ZNF573: variants seen among roughly 807,000 people sequenced by gnomAD.
ZNF573 encodes the protein zinc finger protein 573.
Under a neutral mutation model 57.4 loss-of-function variants are expected in ZNF573, and 41 were observed. That is an observed-to-expected ratio of 0.71 (90% CI 0.56 to 0.93). The LOEUF (loss-of-function observed/expected upper bound fraction) is 0.93. ZNF573 is among the 40% of genes least tolerant of loss of function. ZNF573 has a pLI of 0.00. For missense variants in ZNF573, 730 were observed against 794.8 expected, an observed-to-expected ratio of 0.92 and a Z score of 0.98; for synonymous variants, 249 against 261.0, an observed-to-expected ratio of 0.95 and a Z score of 0.44.
chr19:37,766,605 T>G (rs1183600561), intron 4 of ZNF573, among the ~76,000 whole-genome samples: 2 of 152,148 alleles, frequency 1.3e-5, no homozygotes, highest in Admixed American at 1.3e-4. Flanking sequence ...CCTAATCAAG[T>G]CCCCGCATGA....
intron 3 of ZNF573, among the ~76,000 whole-genome samples, chr19:37,771,135 TTATA>T (rs1217026319): frequency 6.6e-6 from 1 of 151,572 alleles, no homozygotes; most frequent in African/African-American, 2.4e-5. Context: ...GGGGTTCTTC[TTATA>T]CTCAGAGTAA....
At chr19:37,745,362 C>T (rs934718344) in intron 4 of ZNF573, among the ~76,000 whole-genome samples, 12 of 151,464 alleles carry the variant, frequency 7.9e-5, no homozygotes, top group Admixed American at 5.3e-4. Flanking sequence ...GGATTACAGA[C>T]GTGAGCCACT....
At chr19:37,745,496 A>G (rs376247555) in intron 4 of ZNF573, among the ~76,000 whole-genome samples, 4 of 152,018 alleles carry the variant, frequency 2.6e-5, no homozygotes, top group South Asian at 4.2e-4. Flanking sequence ...CCCGGGTTCA[A>G]CGGATTCTAC....
intron 4 of ZNF573, among the ~76,000 whole-genome samples, chr19:37,750,981 A>C (rs2045428900): frequency 6.6e-6 from 1 of 151,878 alleles, no homozygotes; most frequent in Non-Finnish European, 1.5e-5. Context: ...TTGTGACTTC[A>C]AAACTTTTTA....
intron 2 of ZNF573, among the ~76,000 whole-genome samples, chr19:37,772,782 A>C (rs548055676): frequency 6.6e-6 from 1 of 152,040 alleles, no homozygotes; most frequent in East Asian, 1.9e-4. Flanking sequence ...TACAGGGGCA[A>C]GTCACCATGC....
At position 37,738,878 on chromosome 19, in the gene ZNF573, A is replaced by G; in HGVS notation, c.1612T>C (p.Tyr538His). Residue 538 changes from tyrosine to histidine, a missense_variant, in exon 5 of 5, where the codon TAT becomes CAT. Transcript: ENST00000536220. ...CTTTGATGTAGAGTAAGATTTCTAT[A>G]GAAAGTAAAGGTTTTTCTACATACC... Reference protein sequence around the residue: ...CKVCRKTFTFYRNLTLHQSIH... With the variant: ...CKVCRKTFTFHRNLTLHQSIH... 8 of 1,610,206 alleles carry G rather than the reference A, an allele frequency of 5.0e-6. No individual in the cohort carries two copies. Among genetic ancestry groups the G allele is most frequent in the Non-Finnish European group, 6.8e-6 (8 of 1,178,966 alleles).
intron 3 of ZNF573, among the ~76,000 whole-genome samples, chr19:37,771,146 G>A (rs967039374): frequency 5.9e-5 from 9 of 151,542 alleles, no homozygotes; most frequent in Admixed American, 3.3e-4. Flanking sequence ...TATACTCAGA[G>A]TAAATCATGA....
At chr19:37,769,259 C>T (rs1389249330) in intron 4 of ZNF573, among the ~76,000 whole-genome samples, 2 of 151,744 alleles carry the variant, frequency 1.3e-5, no homozygotes, top group African/African-American at 4.8e-5. Context: ...TGAGCCACTG[C>T]GCCCAGCCTA....
chr19:37,743,919 A>G (rs2045351951), intron 4 of ZNF573, among the ~76,000 whole-genome samples: 2 of 152,302 alleles, frequency 1.3e-5, no homozygotes, highest in Non-Finnish European at 1.5e-5. Flanking sequence ...GTTCTCACTC[A>G]TAAGTGGGAG....
At position 37,739,518 on chromosome 19, in the gene ZNF573, G is replaced by C; in HGVS notation, c.972C>G (p.His324Gln). 6.2e-7 allele frequency: 1 copy of C among 1,612,914 alleles called. No individual in the cohort carries two copies. Among genetic ancestry groups the C allele is most frequent in the Non-Finnish European group, 8.5e-7 (1 of 1,179,688 alleles). Residue 324 changes from histidine to glutamine, a missense_variant, in exon 5 of 5, where the codon CAC becomes CAG. Transcript: ENST00000536220. ...GHQLTVHQRV[H>Q]TGKKPYECKE... ...TACACTCATATGGCTTTTTACCAGTGTGAACTCTCTGATGTACAGTAAGCT... is the reference window on the plus strand; with the variant it reads ...TACACTCATATGGCTTTTTACCAGTCTGAACTCTCTGATGTACAGTAAGCT...
rs1289481202 is a variant in ZNF573 at position 37,739,594 on chromosome 19, T to C, written c.896A>G (p.Glu299Gly). ...ACATTTCTCACATATGTATGGCTTC[T>C]CATCAGTATGAAACTGCCCATGTTC... ...LVEHGQFHTD[E>G]KPYICEKCGK... The change falls in exon 5 of 5, where the codon GAG (glutamate) becomes GGG (glycine). Residue 299 changes from glutamate (E) to glycine (G), a missense_variant. Physicochemically the swap from Glu to Gly is moderately conservative, Grantham distance 98 (BLOSUM62 -2). Transcript: ENST00000536220. 11 of 1,613,948 alleles carry C rather than the reference T, an allele frequency of 6.8e-6. No individual in the cohort carries two copies. The highest frequency in any genetic ancestry group is 9.3e-6 in the Non-Finnish European group (11 of 1,180,024).
chr19:37,771,674 C>G lies in ZNF573; in HGVS notation c.92G>C (p.Arg31Thr). The G allele has an allele frequency of 6.3e-7, 1 of 1,592,328 alleles. No individual in the cohort carries two copies. Among genetic ancestry groups the G allele is most frequent in the Non-Finnish European group, 8.5e-7 (1 of 1,173,796 alleles). Residue 31 changes from arginine to threonine, a missense_variant, in exon 3 of 5, where the codon AGG becomes ACG. Coordinates refer to ENST00000536220, the MANE Select transcript of ZNF573 (RefSeq NM_001172690.2). The stretch of plus-strand genomic sequence containing the variant: ...CCGAGAGAAGTCTATGGCCACATCC[C>G]TGAATGTCACTAATTCCTGAAACTG... ...MTCFQELVTF[R>T]DVAIDFSRQE...
chr19:37,757,225 C>T (rs966940671), intron 4 of ZNF573, among the ~76,000 whole-genome samples: 11 of 151,970 alleles, frequency 7.2e-5, no homozygotes, highest in Admixed American at 2.6e-4. Flanking sequence ...GAGACAGAGT[C>T]TCACTCTGTC....
At chr19:37,769,761 A>G (rs1267248575) in intron 4 of ZNF573, among the ~76,000 whole-genome samples, 1 of 151,618 alleles carries the variant, frequency 6.6e-6, no homozygotes, top group African/African-American at 2.4e-5. Flanking sequence ...GAAAAGAAAA[A>G]AGAAAGCCCC....
intron 1 of ZNF573, among the ~76,000 whole-genome samples, chr19:37,774,067 T>C (rs1244388498): frequency 6.6e-6 from 1 of 151,878 alleles, no homozygotes; most frequent in African/African-American, 2.4e-5. Flanking sequence ...GAAGATTCAC[T>C]TGCCTTCATT....
At chr19:37,757,257 CA>C (rs2045497494) in intron 4 of ZNF573, among the ~76,000 whole-genome samples, 1 of 152,078 alleles carries the variant, frequency 6.6e-6, no homozygotes, top group Non-Finnish European at 1.5e-5. Flanking sequence ...AGTACAGTCG[CA>C]TGATCTTGGC....
intron 4 of ZNF573, among the ~76,000 whole-genome samples, chr19:37,746,831 G>C (rs935725258): frequency 6.6e-6 from 1 of 152,140 alleles, no homozygotes; most frequent in African/African-American, 2.4e-5. Context: ...TGATCTGCCC[G>C]CCTTGGCCTC....
intron 4 of ZNF573, among the ~76,000 whole-genome samples, chr19:37,762,853 C>T (rs1299019173): frequency 1.3e-5 from 2 of 151,358 alleles, no homozygotes; most frequent in East Asian, 1.9e-4. Context: ...CTCACTGCAA[C>T]CTCCGACTCC....
chr19:37,738,342 GGACT>G lies in ZNF573; in HGVS notation c.*146_*149del, dbSNP rs2045280766. 1.4e-6 allele frequency: 1 copy of G among 694,842 alleles called. No homozygotes were observed. The highest frequency in any genetic ancestry group is 3.0e-5 in the Admixed American group (1 of 33,680). 43.0% of individuals were successfully genotyped at this position (694,842 alleles called of 1,614,324 possible). On this transcript the variant is annotated 3_prime_UTR_variant, in exon 5 of 5. Transcript: ENST00000536220. ...AATAGTCAGATATTCCATTAAAACA[GGACT>G]GACATTGAATGCTTTCTAATGTGGC...
Sources: gnomAD v4.1 joint callset for allele counts (sites outside exome capture counted in the v4.1 genomes callset) on GRCh38, gnomAD v4.1.1 for gene constraint, MANE v1.5 for transcripts, NCBI Gene and HGNC (gene_info 2026-07-23, HGNC 2026-07-21) for gene names.